Variants in CTNNA2 observed in about 807,000 individuals in gnomAD.
The protein encoded by CTNNA2 is catenin alpha-2.
In CTNNA2, 42 loss-of-function variants were observed where a neutral mutation model predicts 101.0. That is an observed-to-expected ratio of 0.42 (90% CI 0.32 to 0.54). CTNNA2 has a LOEUF of 0.54. Among genes scored for constraint, CTNNA2 ranks in the 20% least tolerant of loss-of-function variants. CTNNA2 has a pLI of 0.14. For missense variants in CTNNA2, 871 were observed against 1,223.1 expected, an observed-to-expected ratio of 0.71 and a Z score of 4.29; for synonymous variants, 450 against 456.4, an observed-to-expected ratio of 0.99 and a Z score of 0.18.
intron 3 of CTNNA2, among the ~76,000 whole-genome samples, chr2:79,796,994 T>C (rs537616550): frequency 6.6e-6 from 1 of 152,308 alleles, no homozygotes; most frequent in African/African-American, 2.4e-5. Context: ...AGAGGCACTT[T>C]TTCCTTTTTC....
chr2:79,896,568 T>C (rs556904597), intron 6 of CTNNA2, among the ~76,000 whole-genome samples: 2 of 152,348 alleles, frequency 1.3e-5, no homozygotes, highest in African/African-American at 2.4e-5. Flanking sequence ...CAAATACTTA[T>C]GTATGAAACA....
chr2:79,209,833 C>A (rs1674147486), intron 2 of CTNNA2, among the ~76,000 whole-genome samples: 1 of 152,168 alleles, frequency 6.6e-6, no homozygotes, highest in South Asian at 2.1e-4. Flanking sequence ...GCCTAAAAAT[C>A]CTGTAAACAT....
At chr2:79,831,344 ATTTTC>A (rs1485428674) in intron 3 of CTNNA2, among the ~76,000 whole-genome samples, 1 of 151,992 alleles carries the variant, frequency 6.6e-6, no homozygotes, top group Admixed American at 6.6e-5. Context: ...TGTTTTTCAA[ATTTTC>A]TTTTCTTATG....
chr2:80,449,579 A>G (rs1250742262), intron 9 of CTNNA2, among the ~76,000 whole-genome samples: 1 of 152,216 alleles, frequency 6.6e-6, no homozygotes, highest in African/African-American at 2.4e-5. Context: ...ATGTTCTGTA[A>G]GGCAGGAACA....
rs564964279 is a variant in CTNNA2 at position 80,290,785 on chromosome 2, T to G, written c.1057-102426T>G. Among the ~76,000 whole-genome samples the G allele has an allele frequency of 1.7e-4, 26 of 152,102 alleles. No homozygotes were observed. The South Asian group carries it at 4.6e-3, about 27-fold the overall frequency. On this transcript the variant is annotated intron_variant, in intron 7 of 18. Coordinates refer to ENST00000402739, the MANE Select transcript of CTNNA2 (RefSeq NM_001282597.3). ...TCTTGTTGTGAATGCCTGGTGTAGC[T>G]CATAACTATGAATTCGGTAAAAAGA...
At chr2:79,676,089 T>A (rs1312900096) in intron 2 of CTNNA2, among the ~76,000 whole-genome samples, 1 of 152,212 alleles carries the variant, frequency 6.6e-6, no homozygotes, top group Non-Finnish European at 1.5e-5. Flanking sequence ...AGGTCTGTGC[T>A]GAGTTGGTCC....
At position 80,546,033 on chromosome 2, in the gene CTNNA2, A is replaced by T; in HGVS notation, c.1510A>T (p.Thr504Ser). Residue 504 changes from threonine (T) to serine (S), a missense_variant, in exon 11 of 19, where the codon ACC (threonine) becomes TCC (serine). Transcript: ENST00000402739. ...GTTGACAGAGGCCGTGGATGACATC[A>T]CCTCAGTGGATGACTTCCTCTCTGT... is the stretch of plus-strand genomic sequence containing the variant. ...RVLTEAVDDI[T>S]SVDDFLSVSE... The T allele has an allele frequency of 1.2e-6, 2 of 1,614,000 alleles. No individual in the cohort carries two copies. Among genetic ancestry groups the T allele is most frequent in the Non-Finnish European group, 1.7e-6 (2 of 1,179,974 alleles).
chr2:79,314,884 G>C (rs984090601), intron 3 of CTNNA2, among the ~76,000 whole-genome samples: 1 of 152,212 alleles, frequency 6.6e-6, no homozygotes, highest in Non-Finnish European at 1.5e-5. Flanking sequence ...GTAGTGCCAT[G>C]AAGTCATCAT....
intron 7 of CTNNA2, among the ~76,000 whole-genome samples, chr2:80,249,692 T>C (rs865889439): frequency 2.6e-5 from 4 of 152,158 alleles, no homozygotes; most frequent in Admixed American, 1.3e-4. Context: ...CTAAGATACA[T>C]ATTTAAAACT....
At chr2:79,597,624 C>G (rs890220463) in intron 1 of CTNNA2, among the ~76,000 whole-genome samples, 3 of 152,028 alleles carry the variant, frequency 2.0e-5, no homozygotes, top group Non-Finnish European at 4.4e-5. Flanking sequence ...TTTAAATTTA[C>G]AAACTTTATT....
At chr2:80,085,728 T>C (rs140671937) in intron 7 of CTNNA2, among the ~76,000 whole-genome samples, 172 of 152,204 alleles carry the variant, frequency 1.1e-3, no homozygotes, top group African/African-American at 4.0e-3. Context: ...ATGAGTTATG[T>C]TGGAGTGATA....
At chr2:80,131,364 A>G (rs578242593) in intron 7 of CTNNA2, among the ~76,000 whole-genome samples, 1 of 152,242 alleles carries the variant, frequency 6.6e-6, no homozygotes, top group South Asian at 2.1e-4. Flanking sequence ...ATGGTCATGT[A>G]AGACATTATC....
chr2:80,081,308 A>G (rs753099145), intron 7 of CTNNA2, among the ~76,000 whole-genome samples: 2 of 152,066 alleles, frequency 1.3e-5, no homozygotes, highest in Non-Finnish European at 2.9e-5. Flanking sequence ...GGATTGGGGT[A>G]TAAAACTGTC....
chr2:79,647,382 G>A (rs1382693179), intron 1 of CTNNA2, among the ~76,000 whole-genome samples: 4 of 152,154 alleles, frequency 2.6e-5, no homozygotes, highest in Non-Finnish European at 5.9e-5. Flanking sequence ...TATCCATTAA[G>A]TTATTTAATC....
At chr2:80,573,212 G>C (rs1694753809) in intron 12 of CTNNA2, 1 of 152,296 alleles carries the variant, frequency 6.6e-6, no homozygotes. Context: ...GATAAAAGCT[G>C]AGAAAATTGA....
intron 7 of CTNNA2, among the ~76,000 whole-genome samples, chr2:80,171,439 C>T (rs1471655642): frequency 2.0e-5 from 3 of 152,196 alleles, no homozygotes; most frequent in South Asian, 2.1e-4. Flanking sequence ...TAAAAGTAAA[C>T]ATTGTGGACA....
At chr2:80,234,850 T>G (rs1573471425) in intron 7 of CTNNA2, among the ~76,000 whole-genome samples, 1 of 152,280 alleles carries the variant, frequency 6.6e-6, no homozygotes, top group East Asian at 1.9e-4. Context: ...TGTAAATATT[T>G]TTAGTTTTGT....
At chr2:79,457,861 G>A (rs996009342) in intron 4 of CTNNA2, among the ~76,000 whole-genome samples, 1 of 152,114 alleles carries the variant, frequency 6.6e-6, no homozygotes, top group Non-Finnish European at 1.5e-5. Context: ...CTCTCAACTA[G>A]CATTTCATCC....
At chr2:79,988,466 A>ATG (rs70940067) in intron 7 of CTNNA2, among the ~76,000 whole-genome samples, 10,406 of 149,004 alleles carry the variant, frequency 0.07, 558 homozygotes, top group Admixed American at 0.18. Flanking sequence ...GTGTATGTGT[A>ATG]TGTGTGTGTG....
Sources: gnomAD v4.1 joint callset for allele counts (sites outside exome capture counted in the v4.1 genomes callset) on GRCh38, gnomAD v4.1.1 for gene constraint, MANE v1.5 for transcripts, NCBI Gene and HGNC (gene_info 2026-07-23, HGNC 2026-07-21) for gene names.